PHF6: variants seen among roughly 807,000 people sequenced by gnomAD.
PHF6 encodes the protein PHD-like zinc finger protein.
PHF6 carries 7 observed loss-of-function variants against 34.0 expected under a neutral mutation model. The observed-to-expected ratio is 0.21, with a 90% CI of 0.12 to 0.39. The LOEUF (loss-of-function observed/expected upper bound fraction) is 0.39. PHF6 is among the 10% of genes least tolerant of loss of function. The probability of loss-of-function intolerance (pLI) is 1.00; values close to 1 mark genes in which losing one functional copy is unlikely to be tolerated. For synonymous variants in PHF6, 89 were observed against 88.4 expected, an observed-to-expected ratio of 1.01 and a Z score of -0.04; for missense variants, 128 against 262.8, an observed-to-expected ratio of 0.49 and a Z score of 3.55.
At chrX:134,380,330 T>C (rs1197144895) in intron 3 of PHF6, among the ~76,000 whole-genome samples, 3 of 109,687 alleles carry the variant, frequency 2.7e-5, no homozygotes, top group Admixed American at 9.7e-5. Flanking sequence ...GTATTTTTAG[T>C]AGAGACGGGG....
At position 134,427,271 on chromosome X, in the gene PHF6, A is replaced by T. The variant is rs1243934425; in HGVS notation, c.*1611A>T. On this transcript the variant is annotated 3_prime_UTR_variant, in exon 11 of 11. Coordinates refer to ENST00000370803, the MANE Select transcript of PHF6 (RefSeq NM_001015877.2). ...GGGTTTTTGTGTGTATGTGATTTTC[A>T]AAATTCATGACTTGAAGTGCAAGGA... The T allele has an allele frequency of 6.1e-6, 1 of 163,735 alleles. No homozygotes were observed. Among genetic ancestry groups the T allele is most frequent in the Non-Finnish European group, 1.2e-5 (1 of 84,740 alleles). The allele number at this position is 163,735 out of a possible 1,213,427, so 13.5% of individuals were successfully genotyped here.
intron 3 of PHF6, among the ~76,000 whole-genome samples, chrX:134,388,606 A>G (rs1444370847): frequency 9.0e-6 from 1 of 111,721 alleles, no homozygotes; most frequent in Non-Finnish European, 1.9e-5. Flanking sequence ...GAAGCTGGAC[A>G]AAGCTAAGTT....
At chrX:134,404,368 A>T (rs1161271162) in intron 5 of PHF6, among the ~76,000 whole-genome samples, 1 of 112,192 alleles carries the variant, frequency 8.9e-6, no homozygotes, top group Non-Finnish European at 1.9e-5. Context: ...GAGCCTGAAG[A>T]TGGGACTAGA....
At chrX:134,414,830 A>G (rs1403980423) in intron 7 of PHF6, among the ~76,000 whole-genome samples, 186 bp from the exon 8 acceptor site, 1 of 112,142 alleles carries the variant, frequency 8.9e-6, no homozygotes, top group Non-Finnish European at 1.9e-5. Flanking sequence ...TTTTATTTCA[A>G]TGTCCATAAT....
At position 134,380,309 on chromosome X, in the gene PHF6, G is replaced by A. The variant is rs186581830; in HGVS notation, c.240+2203G>A. On this transcript the variant is annotated intron_variant, in intron 3 of 10. Coordinates refer to ENST00000370803, the MANE Select transcript of PHF6 (RefSeq NM_001015877.2). ...CTACAGGCGCCCATCACTGTGCCTG[G>A]CTAATTTTTTGTATTTTTAGTAGAG... Among the ~76,000 whole-genome samples, 4 of 109,612 alleles carry A rather than the reference G, an allele frequency of 3.6e-5. No individual in the cohort carries two copies. In the Admixed American group the frequency reaches 3.9e-4, roughly 11 times the overall value.
intron 5 of PHF6, among the ~76,000 whole-genome samples, chrX:134,396,580 C>T (rs1236813917): frequency 1.8e-5 from 2 of 111,048 alleles, no homozygotes; most frequent in Admixed American, 9.6e-5. Flanking sequence ...TCGATGTGTA[C>T]GTCTATAGAA....
intron 5 of PHF6, among the ~76,000 whole-genome samples, chrX:134,404,169 G>A (rs903477549): frequency 3.5e-4 from 39 of 112,294 alleles, no homozygotes; most frequent in African/African-American, 1.2e-3. Flanking sequence ...CTTCTGGAAC[G>A]GATTCATAAT....
chrX:134,417,137 C>T lies in PHF6; in HGVS notation c.835-32C>T, dbSNP rs777346646. ...AAATAGCTGCTGTTTTCTTGAAATA[C>T]GGCTTACGATTATTTCTCTTTCCTT... On this transcript the variant is annotated intron_variant, in intron 8 of 10. Coordinates refer to ENST00000370803, the MANE Select transcript of PHF6 (RefSeq NM_001015877.2). The T allele has an allele frequency of 1.9e-4, 228 of 1,203,743 alleles. No homozygotes were observed. In the Middle Eastern group the frequency reaches 4.6e-3, roughly 24 times the overall value.
At chrX:134,397,685 A>T (rs756319657) in intron 5 of PHF6, among the ~76,000 whole-genome samples, 1 of 111,676 alleles carries the variant, frequency 9.0e-6, no homozygotes, top group African/African-American at 3.3e-5. Context: ...TAAAAAAAAT[A>T]TCTCCCCTAT....
intron 5 of PHF6, 146 bp downstream of exon 5, chrX:134,394,098 T>C: frequency 1.8e-6 from 1 of 558,023 alleles, no homozygotes; most frequent in Non-Finnish European, 3.0e-6. Context: ...AGTGTTAGGA[T>C]AAACTAATGT....
rs780793055 is a variant in PHF6 at position 134,384,843 on chromosome X, C to G, written c.240+6737C>G. Among the ~76,000 whole-genome samples the G allele has an allele frequency of 3.5e-3, 380 of 109,996 alleles. 4 individuals are homozygous for G. The highest frequency in any genetic ancestry group is 0.011 in the African/African-American group (341 of 30,301). On this transcript the variant is annotated intron_variant, in intron 3 of 10. Coordinates refer to ENST00000370803, the MANE Select transcript of PHF6 (RefSeq NM_001015877.2). Reference sequence around the variant, plus strand: ...ATTTTTTGTATTTTTAGTAGAGACGCGGTTTCACCGTGTTAGCCAGGATGG... The same window carrying G: ...ATTTTTTGTATTTTTAGTAGAGACGGGGTTTCACCGTGTTAGCCAGGATGG...
At chrX:134,416,887 T>C (rs763701441) in intron 8 of PHF6, among the ~76,000 whole-genome samples, 12 of 111,829 alleles carry the variant, frequency 1.1e-4, no homozygotes, top group Non-Finnish European at 2.1e-4. Context: ...TACAACATCA[T>C]TCTTTTTGTG....
intron 3 of PHF6, among the ~76,000 whole-genome samples, chrX:134,391,743 C>G (rs1044694554): frequency 3.0e-4 from 33 of 111,732 alleles, no homozygotes; most frequent in African/African-American, 1.0e-3. Context: ...TTACGTTTCA[C>G]TAAGCATTGT....
intron 5 of PHF6, among the ~76,000 whole-genome samples, chrX:134,396,885 TAAA>T (rs35795052): frequency 2.0e-4 from 16 of 81,442 alleles, no homozygotes; most frequent in Admixed American, 7.0e-4. Flanking sequence ...TGTACTGCAC[TAAA>T]AAAAAAAAAA....
At chrX:134,374,014 TA>T (rs758008863) in intron 1 of PHF6, among the ~76,000 whole-genome samples, 13 of 110,819 alleles carry the variant, frequency 1.2e-4, no homozygotes, top group African/African-American at 4.3e-4. Flanking sequence ...AAAGGACGAT[TA>T]GGGGACCCTG....
intron 5 of PHF6, among the ~76,000 whole-genome samples, chrX:134,408,459 A>G (rs2077435041): frequency 9.0e-6 from 1 of 111,669 alleles, no homozygotes; most frequent in Admixed American, 9.6e-5. Context: ...GTTCCCACTA[A>G]CAGTGTCTAA....
chrX:134,379,260 A>G lies in PHF6; in HGVS notation c.240+1154A>G, dbSNP rs1392310511. On this transcript the variant is annotated intron_variant, in intron 3 of 10. Transcript: ENST00000370803. ...AATGACATTTGGGATTTGCTTTAGG[A>G]TAGTCTCAAATCCTAGTATCAGTAT... Among the ~76,000 whole-genome samples, 11 of 110,658 alleles carry G rather than the reference A, an allele frequency of 9.9e-5. No homozygotes were observed. In the Admixed American group the frequency reaches 1.1e-3, roughly 11 times the overall value.
intron 3 of PHF6, among the ~76,000 whole-genome samples, chrX:134,391,097 C>A (rs1332447488): frequency 9.3e-6 from 1 of 107,930 alleles, no homozygotes; most frequent in African/African-American, 3.4e-5. Flanking sequence ...GCCTCAGCCT[C>A]CCGAGTAGCT....
Position 134,377,603 on chromosome X carries a change from G to T in PHF6, c.-15G>T, listed in dbSNP as rs1371845742. On this transcript the variant is annotated 5_prime_UTR_variant, in exon 2 of 11. In the 5' UTR this introduces an upstream ATG that the reference lacks. Transcript: ENST00000370803. ...TTGAGACTTAAAGTGGCATTCTAAA[G>T]GCAATTTAAAAATCATGTCAAGCTC... The T allele has an allele frequency of 1.7e-5, 21 of 1,204,150 alleles. No homozygotes were observed. Among genetic ancestry groups the T allele is most frequent in the Non-Finnish European group, 2.2e-5 (20 of 891,348 alleles).
Sources: allele counts gnomAD v4.1 joint callset (sites outside exome capture counted in the v4.1 genomes callset), GRCh38; gene constraint gnomAD v4.1.1; transcripts MANE v1.5; gene names NCBI Gene and HGNC (gene_info 2026-07-23, HGNC 2026-07-21).